The following GALNTL5 variants were observed in gnomAD, a reference collection of about 807,000 sequenced individuals.
The protein encoded by GALNTL5 is polypeptide N-acetylgalactosaminyltransferase like 5, also known as inactive polypeptide N-acetylgalactosaminyltransferase-like protein 5.
Under a neutral mutation model 51.0 loss-of-function variants are expected in GALNTL5, and 44 were observed. That is an observed-to-expected ratio of 0.86 (90% confidence interval 0.68 to 1.11). The LOEUF (loss-of-function observed/expected upper bound fraction) is 1.11. GALNTL5 is among the 50% of genes least tolerant of loss of function. GALNTL5 has a pLI of 0.00. For synonymous variants in GALNTL5, 192 were observed against 182.8 expected (o/e 1.05, Z -0.41); for missense variants, 528 against 531.8 (o/e 0.99, Z 0.07).
intron 5 of GALNTL5, among the ~76,000 whole-genome samples, chr7:151,993,004 G>A (rs1027594273): frequency 5.1e-4 from 78 of 152,230 alleles, no homozygotes; most frequent in Admixed American, 2.3e-3. Context: ...TTGAGAGGCC[G>A]AGGCGGGCGG....
At chr7:151,999,769 C>T (rs888036372) in intron 5 of GALNTL5, among the ~76,000 whole-genome samples, 26 of 152,122 alleles carry the variant, frequency 1.7e-4, no homozygotes, top group Admixed American at 1.4e-3. Context: ...AAGTATAAAG[C>T]TGTGTGTGTG....
chr7:151,990,128 C>T (rs913705719), intron 5 of GALNTL5, among the ~76,000 whole-genome samples: 13 of 151,980 alleles, frequency 8.6e-5, no homozygotes, highest in Admixed American at 5.9e-4. Context: ...CTGCAACCTT[C>T]GCCTCCTGGG....
chr7:151,958,263 C>T (rs950233120), intron 1 of GALNTL5, among the ~76,000 whole-genome samples: 1 of 152,234 alleles, frequency 6.6e-6, no homozygotes, highest in Non-Finnish European at 1.5e-5. Flanking sequence ...CACTACCGAC[C>T]TAGATTCTGC....
intron 3 of GALNTL5, among the ~76,000 whole-genome samples, chr7:151,979,120 T>C (rs2081244395): frequency 6.8e-6 from 1 of 146,702 alleles, no homozygotes; most frequent in Non-Finnish European, 1.5e-5. Flanking sequence ...TTTTTTTTTT[T>C]TTTTTTGGAG....
intron 1 of GALNTL5, among the ~76,000 whole-genome samples, chr7:151,958,048 C>T (rs1355363455): frequency 6.6e-6 from 1 of 152,106 alleles, no homozygotes; most frequent in East Asian, 1.9e-4. Flanking sequence ...AGAGAATTCC[C>T]CCCAAGTTTT....
At chr7:151,958,215 G>T (rs1428113645) in intron 1 of GALNTL5, among the ~76,000 whole-genome samples, 1 of 152,210 alleles carries the variant, frequency 6.6e-6, no homozygotes, top group Non-Finnish European at 1.5e-5. Flanking sequence ...CTCTGGGCTT[G>T]CTCTCCCCAC....
At chr7:152,009,848 T>A (rs534198998) in intron 7 of GALNTL5, among the ~76,000 whole-genome samples, 22 of 152,292 alleles carry the variant, frequency 1.4e-4, no homozygotes, top group Admixed American at 1.2e-3. Context: ...CTTGCATCAG[T>A]CCCCATGGCT....
At chr7:151,983,568 T>G (rs1426700036) in intron 4 of GALNTL5, among the ~76,000 whole-genome samples, 1 of 152,156 alleles carries the variant, frequency 6.6e-6, no homozygotes, top group Non-Finnish European at 1.5e-5. Context: ...GGGCAGGCAC[T>G]GCACTAGGGG....
intron 4 of GALNTL5, among the ~76,000 whole-genome samples, chr7:151,985,520 C>T (rs779602200): frequency 7.9e-5 from 12 of 152,164 alleles, no homozygotes; most frequent in Non-Finnish European, 1.2e-4. Context: ...CAGCTGACAC[C>T]TATAGGTATG....
intron 2 of GALNTL5, among the ~76,000 whole-genome samples, chr7:151,969,471 T>A (rs1317177966): frequency 2.6e-5 from 4 of 152,168 alleles, no homozygotes; most frequent in Non-Finnish European, 5.9e-5. Flanking sequence ...AGACTTTTAA[T>A]GGCGGTGATG....
intron 3 of GALNTL5, 44 bp from the exon 4 acceptor site, chr7:151,982,942 G>A (rs2081311314): frequency 6.2e-7 from 1 of 1,613,050 alleles, no homozygotes; most frequent in African/African-American, 1.3e-5. Flanking sequence ...CAACATCCAA[G>A]GCATTTAGAT....
chr7:152,014,522 C>A (rs2081780089), intron 7 of GALNTL5, 122 bp from the exon 8 acceptor site: 15 of 904,024 alleles, frequency 1.7e-5, no homozygotes, highest in Non-Finnish European at 2.3e-5. Flanking sequence ...ACTGCCTTGG[C>A]CTCCCAAAAT....
chr7:152,011,265 C>T (rs2081734756), intron 7 of GALNTL5, among the ~76,000 whole-genome samples: 2 of 152,172 alleles, frequency 1.3e-5, no homozygotes, highest in East Asian at 3.8e-4. Flanking sequence ...TTTCAGTTGC[C>T]CTGAACTCAG....
At chr7:152,010,786 T>G (rs796565738) in intron 7 of GALNTL5, among the ~76,000 whole-genome samples, 16 of 152,014 alleles carry the variant, frequency 1.1e-4, no homozygotes, top group African/African-American at 3.6e-4. Flanking sequence ...AAAAAAATTA[T>G]TTTTGATAAA....
Position 152,011,169 on chromosome 7 carries a change from C to T in GALNTL5, c.1026+3225C>T, listed in dbSNP as rs73475771. ...TCTACTCAACTTCAGGTCTTGAGACCCCACCAGCTCAGTTCCACCCTGTTT... is the reference window on the plus strand; with the variant it reads ...TCTACTCAACTTCAGGTCTTGAGACTCCACCAGCTCAGTTCCACCCTGTTT... On this transcript the variant is annotated intron_variant, in intron 7 of 8. Coordinates refer to ENST00000392800, the MANE Select transcript of GALNTL5 (RefSeq NM_145292.4). Among the ~76,000 whole-genome samples the T allele has an allele frequency of 3.4e-3, 519 of 152,252 alleles. 1 individual carries two copies. The highest frequency in any genetic ancestry group is 0.012 in the African/African-American group (503 of 41,552).
Position 151,967,244 on chromosome 7 carries a change from AC to A in GALNTL5, c.-2del. On this transcript the variant is annotated 5_prime_UTR_variant, in exon 2 of 9. Coordinates refer to ENST00000392800, the MANE Select transcript of GALNTL5 (RefSeq NM_145292.4). ...ATGGACCTTTGAAAATGCTAGATTTACAATGAGAAATGCCATAATTCAAGGT... is the reference window on the plus strand; with the variant it reads ...ATGGACCTTTGAAAATGCTAGATTTAAATGAGAAATGCCATAATTCAAGGT... 6.2e-7 allele frequency: 1 copy of A among 1,607,326 alleles called. No individual in the cohort carries two copies.
chr7:152,019,838 A>C lies in GALNTL5; in HGVS notation c.*37A>C. 1 of 1,564,748 alleles carries C rather than the reference A, an allele frequency of 6.4e-7. No individual in the cohort carries two copies. Among genetic ancestry groups the C allele is most frequent in the Non-Finnish European group, 8.7e-7 (1 of 1,143,334 alleles). ...ATCACTTTCATTAATAAAGGGTTAA[A>C]AGTCTCCTAGTCATTCAACATAGTG... is the stretch of plus-strand genomic sequence containing the variant. On this transcript the variant is annotated 3_prime_UTR_variant, in exon 9 of 9. Transcript: ENST00000392800.
rs1462906983 is a variant in GALNTL5, at chr7:151,956,497, A to G, written c.-152A>G. 1 of 152,014 alleles carries G rather than the reference A, an allele frequency of 6.6e-6. No individual in the cohort carries two copies. The highest frequency in any genetic ancestry group is 1.5e-5 in the Non-Finnish European group (1 of 68,046). 9.4% of individuals were successfully genotyped at this position (152,014 alleles called of 1,614,324 possible). On this transcript the variant is annotated 5_prime_UTR_variant, in exon 1 of 9. Coordinates refer to ENST00000392800, the MANE Select transcript of GALNTL5 (RefSeq NM_145292.4). Reference sequence around the variant, plus strand: ...CCAGCCACCATAAAGCCTGCTAGCTAAAAAAAATTTTACATCTCTCAGTTC... The same window carrying G: ...CCAGCCACCATAAAGCCTGCTAGCTGAAAAAAATTTTACATCTCTCAGTTC...
intron 3 of GALNTL5, 38 bp downstream of exon 3, chr7:151,971,103 A>ATAGATAGG (rs2081130274): frequency 9.0e-7 from 1 of 1,112,934 alleles, no homozygotes; most frequent in African/African-American, 1.6e-5. Flanking sequence ...CTCTAGATAG[A>ATAGATAGG]TAGATAGATA....
Sources: gnomAD v4.1 joint callset for allele counts (sites outside exome capture counted in the v4.1 genomes callset) on GRCh38, gnomAD v4.1.1 for gene constraint, MANE v1.5 for transcripts, NCBI Gene and HGNC (gene_info 2026-07-23, HGNC 2026-07-21) for gene names.